Variants in SCFD2 observed in about 807,000 individuals in gnomAD.
SCFD2 encodes the protein sec1 family domain containing 2.
Under a neutral mutation model 58.9 loss-of-function variants are expected in SCFD2, and 54 were observed. The ratio of observed to expected loss-of-function variants is 0.92; its 90% CI spans 0.74 to 1.15. The LOEUF (loss-of-function observed/expected upper bound fraction) is 1.15, where lower values mean the gene tolerates loss of function less well. SCFD2 is among the 50% of genes most tolerant of loss of function. The probability of loss-of-function intolerance (pLI) is 0.00; values close to 1 mark genes in which losing one functional copy is unlikely to be tolerated. For synonymous variants in SCFD2, 321 were observed against 335.9 expected (o/e 0.96, Z 0.49); for missense variants, 805 against 836.6 (o/e 0.96, Z 0.47).
Position 53,359,005 on chromosome 4 carries a change from T to A in SCFD2, c.838+6099A>T, listed in dbSNP as rs567238550. The stretch of plus-strand genomic sequence containing the variant: ...GATAACCAGGAGAGAAAGGAACTTG[T>A]CTATCTTGTTTACCACTGTTTCGCT... On this transcript the variant is annotated intron_variant, in intron 1 of 8. Coordinates refer to ENST00000401642, the MANE Select transcript of SCFD2 (RefSeq NM_152540.4). Among the ~76,000 whole-genome samples the A allele has an allele frequency of 4.9e-4, 74 of 152,316 alleles. 4 individuals carry two copies. In the South Asian group the frequency reaches 0.015, roughly 31 times the overall value.
intron 5 of SCFD2, among the ~76,000 whole-genome samples, chr4:52,974,491 T>C (rs1560498894): frequency 6.6e-6 from 1 of 152,126 alleles, no homozygotes; most frequent in East Asian, 1.9e-4. Context: ...CAAGGAGAAC[T>C]ACAAACCACT....
chr4:53,042,869 G>T (rs1329229133), intron 5 of SCFD2, among the ~76,000 whole-genome samples: 1 of 151,998 alleles, frequency 6.6e-6, no homozygotes, highest in Non-Finnish European at 1.5e-5. Context: ...TCATCTAAAT[G>T]CTATCCCTGG....
chr4:52,890,169 G>C (rs1320672797), intron 7 of SCFD2, among the ~76,000 whole-genome samples: 3 of 152,108 alleles, frequency 2.0e-5, no homozygotes, highest in Non-Finnish European at 2.9e-5. Context: ...GAAATAAATT[G>C]GCTCCAGAAC....
At chr4:53,089,129 A>G (rs1724399738) in intron 5 of SCFD2, among the ~76,000 whole-genome samples, 1 of 152,208 alleles carries the variant, frequency 6.6e-6, no homozygotes, top group Non-Finnish European at 1.5e-5. Context: ...ACTGTGAGAA[A>G]TAAATCTGTT....
intron 8 of SCFD2, among the ~76,000 whole-genome samples, chr4:52,876,025 G>A (rs1312902108): frequency 2.0e-5 from 3 of 151,534 alleles, no homozygotes; most frequent in Non-Finnish European, 2.9e-5. Flanking sequence ...TGTGTCTCCC[G>A]AGAGGGTCTC....
chr4:53,020,399 CAGT>C (rs1722317553), intron 5 of SCFD2, among the ~76,000 whole-genome samples: 2 of 152,068 alleles, frequency 1.3e-5, no homozygotes, highest in African/African-American at 4.8e-5. Context: ...GAACCTTGTC[CAGT>C]TGTTTTTTAG....
intron 5 of SCFD2, among the ~76,000 whole-genome samples, chr4:52,989,616 G>A (rs1181307440): frequency 6.6e-6 from 1 of 152,136 alleles, no homozygotes; most frequent in African/African-American, 2.4e-5. Flanking sequence ...CAAAACCTTT[G>A]CTCCCTTGTT....
intron 4 of SCFD2, among the ~76,000 whole-genome samples, chr4:53,179,596 T>G (rs1333653616): frequency 6.6e-6 from 1 of 152,146 alleles, no homozygotes; most frequent in African/African-American, 2.4e-5. Context: ...CATCAACTAA[T>G]GAGCAAAATA....
In SCFD2 at chr4:53,136,225, A is replaced by G. The variant is rs1268780690; in HGVS notation, c.1561+9108T>C. Among the ~76,000 whole-genome samples, 4 of 152,292 alleles carry G rather than the reference A, an allele frequency of 2.6e-5. 1 individual carries two copies. Among genetic ancestry groups the G allele is most frequent in the East Asian group, 3.9e-4 (2 of 5,182 alleles). ...GGGAATCACTGGTCTAGTAAAAGGA[A>G]TTCTGGACTGGGAATTGGGAGACAC... On this transcript the variant is annotated intron_variant, in intron 5 of 8. Transcript: ENST00000401642.
intron 3 of SCFD2, among the ~76,000 whole-genome samples, chr4:53,284,011 C>T (rs1481696250): frequency 5.4e-5 from 8 of 149,044 alleles, no homozygotes; most frequent in South Asian, 2.1e-4. Flanking sequence ...CCCAGCTACT[C>T]GGGAGGCTGA....
At chr4:53,342,873 A>C (rs1733928141) in intron 2 of SCFD2, among the ~76,000 whole-genome samples, 1 of 152,234 alleles carries the variant, frequency 6.6e-6, no homozygotes, top group African/African-American at 2.4e-5. Flanking sequence ...GTACATAACG[A>C]AATGAAGGCA....
chr4:53,016,896 C>T (rs1368725477), intron 5 of SCFD2, among the ~76,000 whole-genome samples: 1 of 152,168 alleles, frequency 6.6e-6, no homozygotes, highest in Admixed American at 6.5e-5. Flanking sequence ...ATCACAAGGT[C>T]AGGAGTTCGA....
chr4:53,077,489 G>C (rs1401647192), intron 5 of SCFD2, among the ~76,000 whole-genome samples: 2 of 151,990 alleles, frequency 1.3e-5, no homozygotes, highest in African/African-American at 4.8e-5. Flanking sequence ...CCAAGCTGGA[G>C]TGCAGTGGCA....
intron 6 of SCFD2, 139 bp downstream of exon 6, chr4:52,920,586 T>C (rs1222476746): frequency 9.9e-5 from 51 of 515,980 alleles, no homozygotes; most frequent in African/African-American, 4.0e-5. Flanking sequence ...CCCAAAACTC[T>C]GAACTAAAAG....
intron 2 of SCFD2, among the ~76,000 whole-genome samples, chr4:53,326,212 A>G (rs1733192213): frequency 6.6e-6 from 1 of 152,062 alleles, no homozygotes; most frequent in African/African-American, 2.4e-5. Context: ...GCGTGATCAC[A>G]ATTCACTGCA....
At chr4:52,876,756 GA>G (rs761229349) in intron 8 of SCFD2, among the ~76,000 whole-genome samples, 8,253 of 54,598 alleles carry the variant, frequency 0.15, 170 homozygotes, top group Non-Finnish European at 0.19. Context: ...TCTCTGTCTC[GA>G]AAAAAAAAAA....
chr4:53,347,869 C>G (rs896667580), intron 2 of SCFD2, among the ~76,000 whole-genome samples: 4 of 152,202 alleles, frequency 2.6e-5, no homozygotes, highest in Admixed American at 6.5e-5. Flanking sequence ...GCAGAACCAG[C>G]AACACTGCAG....
chr4:53,105,339 C>T (rs1435292068), intron 5 of SCFD2, among the ~76,000 whole-genome samples: 4 of 151,802 alleles, frequency 2.6e-5, no homozygotes, highest in African/African-American at 4.8e-5. Context: ...GAGACAGAGC[C>T]GTTCACTCCC....
chr4:53,329,160 G>A (rs1375124481), intron 2 of SCFD2, among the ~76,000 whole-genome samples: 4 of 152,220 alleles, frequency 2.6e-5, no homozygotes, highest in African/African-American at 9.6e-5. Context: ...TGGCAGCGAG[G>A]CTGGGGAAGA....
Sources: allele counts gnomAD v4.1 joint callset (sites outside exome capture counted in the v4.1 genomes callset), GRCh38; gene constraint gnomAD v4.1.1; transcripts MANE v1.5; gene names NCBI Gene and HGNC (gene_info 2026-07-23, HGNC 2026-07-21).